BRD7: variants seen among roughly 807,000 people sequenced by gnomAD.
BRD7 encodes the protein bromodomain-containing protein 7.
BRD7 carries 15 observed loss-of-function variants against 82.1 expected under a neutral mutation model. That is an observed-to-expected ratio of 0.18 (90% CI 0.12 to 0.28). BRD7 has a LOEUF of 0.28. Among genes scored for constraint, BRD7 ranks in the 10% least tolerant of loss-of-function variants. The pLI is 1.00. For synonymous variants in BRD7, 232 were observed against 266.9 expected (o/e 0.87, Z 1.27); for missense variants, 638 against 779.9 (o/e 0.82, Z 2.17).
At chr16:50,340,284 G>C (rs922464265) in intron 5 of BRD7, among the ~76,000 whole-genome samples, 198 bp from the exon 6 acceptor site, 4 of 152,072 alleles carry the variant, frequency 2.6e-5, no homozygotes, top group Non-Finnish European at 4.4e-5. Flanking sequence ...ATTTAAATAT[G>C]CTATATTATT....
intron 9 of BRD7, among the ~76,000 whole-genome samples, chr16:50,328,199 A>T (rs929193503): frequency 6.6e-6 from 1 of 152,188 alleles, no homozygotes; most frequent in Non-Finnish European, 1.5e-5. Context: ...ATCTTTACAA[A>T]CTTTCTACTG....
intron 4 of BRD7, among the ~76,000 whole-genome samples, chr16:50,353,582 A>C (rs749270890): frequency 2.0e-4 from 30 of 151,356 alleles, no homozygotes; most frequent in Non-Finnish European, 3.8e-4. Flanking sequence ...CAAAATAAAT[A>C]TATTTTATTT....
intron 10 of BRD7, 44 bp from the exon 11 acceptor site, chr16:50,325,927 A>C (rs751182341): frequency 5.9e-6 from 9 of 1,522,094 alleles, no homozygotes; most frequent in Non-Finnish European, 8.0e-6. Context: ...TTTAACTTGC[A>C]TGTCAATCTA....
intron 8 of BRD7, among the ~76,000 whole-genome samples, chr16:50,331,724 A>C (rs2037574479): frequency 6.6e-6 from 1 of 152,170 alleles, no homozygotes; most frequent in African/African-American, 2.4e-5. Context: ...CAAACCAAAC[A>C]AAAGCTCCCA....
intron 6 of BRD7, among the ~76,000 whole-genome samples, chr16:50,336,935 G>A (rs1013997719): frequency 2.0e-5 from 3 of 152,244 alleles, no homozygotes; most frequent in Non-Finnish European, 1.5e-5. Context: ...AATATTAAAT[G>A]GCTAACAGGG....
chr16:50,338,333 A>C (rs1470217335), intron 6 of BRD7, among the ~76,000 whole-genome samples: 2 of 152,182 alleles, frequency 1.3e-5, no homozygotes, highest in Non-Finnish European at 1.5e-5. Context: ...AAAGTTGTCT[A>C]AATATTAGGA....
At chr16:50,355,800 A>G (rs1567285553) in intron 2 of BRD7, among the ~76,000 whole-genome samples, 1 of 152,228 alleles carries the variant, frequency 6.6e-6, no homozygotes, top group African/African-American at 2.4e-5. Context: ...TATAAAATGA[A>G]TAAATTTTAA....
chr16:50,325,665 A>G, intron 11 of BRD7, 83 bp downstream of exon 11: 1 of 1,322,296 alleles, frequency 7.6e-7, no homozygotes, highest in Non-Finnish European at 1.0e-6. Flanking sequence ...CTACTCGGCC[A>G]GCTTTGTCAG....
chr16:50,323,567 T>C lies in BRD7; in HGVS notation c.1443+20A>G. 1.3e-6 allele frequency: 2 copies of C among 1,517,914 alleles called. No individual in the cohort carries two copies. Among genetic ancestry groups the C allele is most frequent in the Non-Finnish European group, 1.8e-6 (2 of 1,093,494 alleles). The allele number at this position is 1,517,914 out of a possible 1,614,324, so 94.0% of individuals were successfully genotyped here. ...AGAGTCGATAATAAATTACCCTGTT[T>C]TCATTAGCAGTGTTCTTACCATCTC... On this transcript the variant is annotated intron_variant, in intron 12 of 16. Coordinates refer to ENST00000394688, the MANE Select transcript of BRD7 (RefSeq NM_013263.5).
chr16:50,343,322 G>T (rs1357538351), intron 5 of BRD7, among the ~76,000 whole-genome samples: 1 of 152,216 alleles, frequency 6.6e-6, no homozygotes, highest in Non-Finnish European at 1.5e-5. Flanking sequence ...CTGGTTGTTT[G>T]AAAGTGTGTA....
chr16:50,319,865 C>T, intron 16 of BRD7, 22 bp downstream of exon 16: 2 of 1,606,228 alleles, frequency 1.2e-6, no homozygotes, highest in Non-Finnish European at 1.7e-6. Flanking sequence ...TTCTGCTTTC[C>T]CAGAGAAAAC....
intron 2 of BRD7, among the ~76,000 whole-genome samples, chr16:50,359,667 G>A (rs768081071): frequency 3.9e-5 from 6 of 152,098 alleles, no homozygotes. Flanking sequence ...ATCACAACGA[G>A]CTACAGATTT....
intron 5 of BRD7, among the ~76,000 whole-genome samples, chr16:50,344,239 G>A (rs952205570): frequency 1.1e-4 from 17 of 152,058 alleles, no homozygotes; most frequent in Admixed American, 5.2e-4. Flanking sequence ...AAGGACATCC[G>A]CACCAAAACT....
intron 2 of BRD7, among the ~76,000 whole-genome samples, chr16:50,365,342 T>C (rs956869304): frequency 6.6e-6 from 1 of 152,168 alleles, no homozygotes; most frequent in Non-Finnish European, 1.5e-5. Flanking sequence ...GTACAGACAT[T>C]GGGGCATTCT....
intron 2 of BRD7, among the ~76,000 whole-genome samples, chr16:50,363,344 T>G (rs2151210840): frequency 6.6e-6 from 1 of 152,324 alleles, no homozygotes. Flanking sequence ...AAAGGAAAAC[T>G]AATGTTTTAA....
At position 50,337,542 on chromosome 16, in the gene BRD7, G is replaced by A. The variant is rs1438201448; in HGVS notation, c.702+2434C>T. On this transcript the variant is annotated intron_variant, in intron 6 of 16. Transcript: ENST00000394688. ...CCCAAAGTGTTGGGATTACAGGCAT[G>A]AGCCACTGTTCCTGGCCTCATCTGT... is the stretch of plus-strand genomic sequence containing the variant. Among the ~76,000 whole-genome samples the A allele has an allele frequency of 3.3e-5, 5 of 152,224 alleles. No individual in the cohort carries two copies. In the East Asian group the frequency reaches 9.7e-4, roughly 29 times the overall value.
At chr16:50,321,696 G>A (rs1214347167) in intron 13 of BRD7, among the ~76,000 whole-genome samples, 1 of 150,498 alleles carries the variant, frequency 6.6e-6, no homozygotes, top group Non-Finnish European at 1.5e-5. Flanking sequence ...GCAATCAAAA[G>A]CTAATGGTTC....
Position 50,367,287 on chromosome 16 carries a change from A to C in BRD7, c.258+803T>G, listed in dbSNP as rs149805741. ...GCCCAGGCTGGAGTGCAGTGGTATG[A>C]TCATACCTCACTGTACCTCAAACTC... is the stretch of plus-strand genomic sequence containing the variant. On this transcript the variant is annotated intron_variant, in intron 2 of 16. Coordinates refer to ENST00000394688, the MANE Select transcript of BRD7 (RefSeq NM_013263.5). Among the ~76,000 whole-genome samples the C allele has an allele frequency of 7.9e-5, 12 of 152,196 alleles. No individual in the cohort carries two copies. In the East Asian group the frequency reaches 2.3e-3, roughly 29 times the overall value.
intron 7 of BRD7, among the ~76,000 whole-genome samples, chr16:50,333,913 T>A (rs11864499): frequency 3.9e-5 from 6 of 152,308 alleles, no homozygotes; most frequent in African/African-American, 1.4e-4. Flanking sequence ...CCTTTTTCTG[T>A]CCAGTGTTAC....
Sources: allele counts gnomAD v4.1 joint callset (sites outside exome capture counted in the v4.1 genomes callset), GRCh38; gene constraint gnomAD v4.1.1; transcripts MANE v1.5; gene names NCBI Gene and HGNC (gene_info 2026-07-23, HGNC 2026-07-21).